ARHGEF26: variants seen among roughly 807,000 people sequenced by gnomAD.
The protein encoded by ARHGEF26 is Rho guanine nucleotide exchange factor (GEF) 26.
Under a neutral mutation model 89.4 loss-of-function variants are expected in ARHGEF26, and 59 were observed. That is an observed-to-expected ratio of 0.66 (90% CI 0.54 to 0.82). ARHGEF26 has a LOEUF of 0.82. ARHGEF26 is among the 40% of genes least tolerant of loss of function. The pLI is 0.00. For missense variants in ARHGEF26, 1,234 were observed against 1,085.6 expected (o/e 1.14, Z -1.92); for synonymous variants, 500 against 428.4 (o/e 1.17, Z -2.06).
intron 6 of ARHGEF26, among the ~76,000 whole-genome samples, chr3:154,167,907 G>A (rs897539913): frequency 1.3e-5 from 2 of 152,112 alleles, no homozygotes; most frequent in African/African-American, 4.8e-5. Flanking sequence ...ACTCATGATT[G>A]CAGTTTTGTT....
At chr3:154,163,815 G>A (rs898645987) in intron 6 of ARHGEF26, among the ~76,000 whole-genome samples, 1 of 152,092 alleles carries the variant, frequency 6.6e-6, no homozygotes, top group African/African-American at 2.4e-5. Flanking sequence ...GTGTCCCAAT[G>A]GTTTGGCATT....
Position 154,198,574 on chromosome 3 carries a change from G to A in ARHGEF26, c.1845+3856G>A, listed in dbSNP as rs151031496. ...AAAAAGAAACAAAATAATGGCATTTGCAGCAACTTGGATGGAGTTGGAGAC... is the reference window on the plus strand; with the variant it reads ...AAAAAGAAACAAAATAATGGCATTTACAGCAACTTGGATGGAGTTGGAGAC... On this transcript the variant is annotated intron_variant, in intron 9 of 14. Coordinates refer to ENST00000465093, the MANE Select transcript of ARHGEF26 (RefSeq NM_015595.4). Among the ~76,000 whole-genome samples, 69 of 152,302 alleles carry A rather than the reference G, an allele frequency of 4.5e-4. No homozygotes were observed. In the East Asian group the frequency reaches 9.6e-3, roughly 21 times the overall value.
At chr3:154,200,003 G>A (rs1179278394) in intron 9 of ARHGEF26, among the ~76,000 whole-genome samples, 3 of 151,852 alleles carry the variant, frequency 2.0e-5, no homozygotes, top group African/African-American at 7.2e-5. Flanking sequence ...CTTCTATTCT[G>A]GGGGTTGTCT....
intron 12 of ARHGEF26, among the ~76,000 whole-genome samples, chr3:154,244,903 AC>A (rs1232733135): frequency 6.8e-6 from 1 of 146,776 alleles, no homozygotes; most frequent in Non-Finnish European, 1.5e-5. Flanking sequence ...AGGCTGTTCC[AC>A]CCCCACTTTG....
At chr3:154,238,668 T>C (rs1443547971) in intron 11 of ARHGEF26, among the ~76,000 whole-genome samples, 1 of 152,210 alleles carries the variant, frequency 6.6e-6, no homozygotes, top group African/African-American at 2.4e-5. Context: ...TTATTCGATA[T>C]TCCTAGCGTA....
chr3:154,206,172 A>G (rs1233914347), intron 9 of ARHGEF26, among the ~76,000 whole-genome samples: 1 of 152,194 alleles, frequency 6.6e-6, no homozygotes, highest in Non-Finnish European at 1.5e-5. Flanking sequence ...ATTTTATGGT[A>G]AAAGTTTTTT....
At chr3:154,251,901 C>A (rs973433201) in intron 12 of ARHGEF26, among the ~76,000 whole-genome samples, 1 of 152,132 alleles carries the variant, frequency 6.6e-6, no homozygotes, top group Non-Finnish European at 1.5e-5. Flanking sequence ...TAAGTAAACA[C>A]AGAGCTGTAC....
rs370814391 is a variant in ARHGEF26 at position 154,167,126 on chromosome 3, A to G, written c.1487+14194A>G. ...AACTTTAAATGAATAGGTCCACATG[A>G]GTTATGGACTTTATTGTGAAAATAG... On this transcript the variant is annotated intron_variant, in intron 6 of 14. Coordinates refer to ENST00000465093, the MANE Select transcript of ARHGEF26 (RefSeq NM_015595.4). Among the ~76,000 whole-genome samples the G allele has an allele frequency of 2.2e-4, 33 of 152,308 alleles. No homozygotes were observed. The South Asian group carries it at 6.6e-3, about 31-fold the overall frequency.
intron 4 of ARHGEF26, among the ~76,000 whole-genome samples, chr3:154,134,921 G>A (rs1043936796): frequency 2.6e-5 from 4 of 152,092 alleles, no homozygotes; most frequent in African/African-American, 7.2e-5. Context: ...GCATCCCATG[G>A]ATAAAGCCTA....
intron 6 of ARHGEF26, among the ~76,000 whole-genome samples, chr3:154,156,387 A>G (rs548114238): frequency 6.6e-6 from 1 of 152,160 alleles, no homozygotes; most frequent in East Asian, 1.9e-4. Flanking sequence ...TCTATTTTTT[A>G]TTTAAAAAAG....
At chr3:154,201,512 T>C (rs1376074740) in intron 9 of ARHGEF26, among the ~76,000 whole-genome samples, 1 of 152,220 alleles carries the variant, frequency 6.6e-6, no homozygotes, top group African/African-American at 2.4e-5. Context: ...CCTTTGGGTA[T>C]ATACCCAGTA....
intron 6 of ARHGEF26, among the ~76,000 whole-genome samples, chr3:154,169,820 T>C (rs1047266752): frequency 6.6e-6 from 1 of 152,180 alleles, no homozygotes; most frequent in East Asian, 1.9e-4. Flanking sequence ...AAGTTATGTA[T>C]TGATCAGTTG....
rs996060752 is a variant in ARHGEF26, at chr3:154,218,051, C to A, written c.1935+93C>A. ...GGGCAACAAAGTAGATAGGAAATTG[C>A]TTTTCAAAGAAGGGTCATAAATTGC... On this transcript the variant is annotated intron_variant, in intron 10 of 14. Coordinates refer to ENST00000465093, the MANE Select transcript of ARHGEF26 (RefSeq NM_015595.4). The A allele has an allele frequency of 2.5e-6, 3 of 1,178,924 alleles. No homozygotes were observed. In the Admixed American group the frequency reaches 6.6e-5, roughly 26 times the overall value. 73.0% of individuals were successfully genotyped at this position (1,178,924 alleles called of 1,614,324 possible). A position where few individuals can be genotyped will look rare whatever the true frequency, so the allele number is the denominator to read the frequency against.
rs925181916 is a variant in ARHGEF26, at chr3:154,132,714, TA to T, written c.1269+2997del. On this transcript the variant is annotated intron_variant, in intron 4 of 14. Transcript: ENST00000465093. ...CAACTTTAATATATATATTCAGCTTTAATATGTAATATATAAATATATATGT... is the reference window on the plus strand; with the variant it reads ...CAACTTTAATATATATATTCAGCTTTATATGTAATATATAAATATATATGT... 2.5e-4 allele frequency among the ~76,000 whole-genome samples: 38 copies of T among 152,134 alleles called. 1 individual carries two copies. The highest frequency in any genetic ancestry group is 8.9e-4 in the African/African-American group (37 of 41,500).
In ARHGEF26 at chr3:154,152,850, A is replaced by G. The variant is rs755461547; in HGVS notation, c.1405A>G (p.Lys469Glu). The G allele has an allele frequency of 8.8e-6, 14 of 1,587,152 alleles. No individual in the cohort carries two copies. In the East Asian group the frequency reaches 1.1e-4, roughly 13 times the overall value. Residue 469 changes from lysine (K) to glutamate (E), a missense_variant, in exon 6 of 15, where the codon AAA (lysine) becomes GAA (glutamate). By Grantham distance (56) the Lys-to-Glu change is moderately conservative (BLOSUM62 1). Coordinates refer to ENST00000465093, the MANE Select transcript of ARHGEF26 (RefSeq NM_015595.4). ...EILIRMFKNS[K>E]ELSDTMTKTE... is the part of the protein sequence containing the mutation. ...CTTGATACGAATGTTTAAAAATTCT[A>G]AAGAACTGAGTGATACAATGACTAA... is the stretch of plus-strand genomic sequence containing the variant.
At chr3:154,204,241 G>C (rs1714856428) in intron 9 of ARHGEF26, among the ~76,000 whole-genome samples, 1 of 151,152 alleles carries the variant, frequency 6.6e-6, no homozygotes, top group East Asian at 1.9e-4. Context: ...ATGTGTATGG[G>C]AATTTTCCAT....
rs564236945 is a variant in ARHGEF26 at position 154,255,696 on chromosome 3, C to T, written c.*223C>T. ...TACCTAACCACACACTTGCAGACCT[C>T]CTGAGGTACACAGAATAGCTGAGCA... On this transcript the variant is annotated 3_prime_UTR_variant, in exon 15 of 15. Transcript: ENST00000465093. 7.4e-5 allele frequency: 101 copies of T among 1,359,714 alleles called. 1 individual carries two copies. In the South Asian group the frequency reaches 1.8e-3, roughly 24 times the overall value. 84.2% of individuals were successfully genotyped at this position (1,359,714 alleles called of 1,614,324 possible).
chr3:154,123,756 G>C (rs1013772944), intron 2 of ARHGEF26, among the ~76,000 whole-genome samples: 1 of 152,122 alleles, frequency 6.6e-6, no homozygotes, highest in Non-Finnish European at 1.5e-5. Flanking sequence ...AAAACTTAAG[G>C]TTAGGGTGGA....
In ARHGEF26 at chr3:154,186,136, G is replaced by C. The variant is rs1011764677; in HGVS notation, c.1488-1549G>C. ...GCTACCGTTTCTCTACACACACTTA[G>C]ACACACACACACACACACACACACA... is the stretch of plus-strand genomic sequence containing the variant. On this transcript the variant is annotated intron_variant, in intron 6 of 14. Transcript: ENST00000465093. Among the ~76,000 whole-genome samples the C allele has an allele frequency of 3.3e-4, 48 of 147,030 alleles. 2 individuals are homozygous for C. Among genetic ancestry groups the C allele is most frequent in the African/African-American group, 8.0e-4 (32 of 39,822 alleles).
Sources: gnomAD v4.1 joint callset for allele counts (sites outside exome capture counted in the v4.1 genomes callset) on GRCh38, gnomAD v4.1.1 for gene constraint, MANE v1.5 for transcripts, NCBI Gene and HGNC (gene_info 2026-07-23, HGNC 2026-07-21) for gene names.